The following PDE4D variants were observed in gnomAD, a reference collection of about 807,000 sequenced individuals.
The protein encoded by PDE4D is phosphodiesterase 4D, also known as 3',5'-cyclic-AMP phosphodiesterase 4D.
Under a neutral mutation model 87.4 loss-of-function variants are expected in PDE4D, and 24 were observed. The observed-to-expected ratio is 0.27, with a 90% confidence interval of 0.20 to 0.39. The LOEUF (loss-of-function observed/expected upper bound fraction) is 0.39. Among genes scored for constraint, PDE4D ranks in the 10% least tolerant of loss-of-function variants. PDE4D has a pLI of 1.00. For missense variants in PDE4D, 714 were observed against 1,041.0 expected (o/e 0.69, Z 4.32); for synonymous variants, 384 against 383.2 (o/e 1.00, Z -0.02).
intron 1 of PDE4D, among the ~76,000 whole-genome samples, chr5:59,614,780 T>A (rs1829452860): frequency 6.6e-6 from 1 of 152,146 alleles, no homozygotes; most frequent in Admixed American, 6.6e-5. Context: ...AATTGATACA[T>A]CCTCAGGCAA....
At chr5:59,275,809 G>C (rs945540840) in intron 1 of PDE4D, 243 of 984,484 alleles carry the variant, frequency 2.5e-4, no homozygotes, top group Non-Finnish European at 2.6e-4. Flanking sequence ...AGCGCAGGTA[G>C]AGAGAGAGAA....
intron 2 of PDE4D, among the ~76,000 whole-genome samples, chr5:60,181,639 T>G (rs1784383361): frequency 6.6e-6 from 1 of 152,148 alleles, no homozygotes; most frequent in Non-Finnish European, 1.5e-5. Context: ...ACAAATCCAA[T>G]TAAGTAGATG....
At chr5:60,182,589 G>C (rs1220689102) in intron 2 of PDE4D, among the ~76,000 whole-genome samples, 1 of 152,070 alleles carries the variant, frequency 6.6e-6, no homozygotes, top group African/African-American at 2.4e-5. Flanking sequence ...CTGAGATCCC[G>C]GCATTGCACT....
intron 2 of PDE4D, among the ~76,000 whole-genome samples, chr5:60,019,096 C>A (rs1318042494): frequency 1.3e-5 from 2 of 152,170 alleles, no homozygotes; most frequent in Non-Finnish European, 2.9e-5. Flanking sequence ...TAAAACACTC[C>A]TCAGCAAATG....
intron 1 of PDE4D, among the ~76,000 whole-genome samples, chr5:59,637,827 T>C (rs1420483937): frequency 6.6e-6 from 1 of 151,982 alleles, no homozygotes. Context: ...GTGCAGCAAC[T>C]GAATCTGGTT....
chr5:60,229,424 A>C (rs1745544621), intron 1 of PDE4D, among the ~76,000 whole-genome samples: 1 of 152,186 alleles, frequency 6.6e-6, no homozygotes, highest in Non-Finnish European at 1.5e-5. Flanking sequence ...TCCTGAGATT[A>C]GCCTAAGATG....
intron 5 of PDE4D, among the ~76,000 whole-genome samples, chr5:59,047,919 G>T (rs1236393339): frequency 6.6e-6 from 1 of 152,166 alleles, no homozygotes; most frequent in Non-Finnish European, 1.5e-5. Context: ...GCCCTCACCA[G>T]AACCTGACTA....
intron 1 of PDE4D, among the ~76,000 whole-genome samples, chr5:60,274,728 A>C (rs1414377058): frequency 6.6e-6 from 1 of 152,212 alleles, no homozygotes; most frequent in Non-Finnish European, 1.5e-5. Context: ...AGGTACAGAA[A>C]ACCAAGCAGA....
At chr5:59,257,302 C>T (rs1405592875) in intron 1 of PDE4D, among the ~76,000 whole-genome samples, 1 of 151,970 alleles carries the variant, frequency 6.6e-6, no homozygotes, top group African/African-American at 2.4e-5. Flanking sequence ...TTCATAAACT[C>T]CTTAAGGGTG....
At chr5:59,755,461 T>A (rs955848998) in intron 1 of PDE4D, among the ~76,000 whole-genome samples, 1 of 152,152 alleles carries the variant, frequency 6.6e-6, no homozygotes, top group Admixed American at 6.5e-5. Context: ...GGCCCACAGT[T>A]GCACCTAAAA....
chr5:59,738,947 A>G (rs1580787780), intron 1 of PDE4D, among the ~76,000 whole-genome samples: 2 of 152,210 alleles, frequency 1.3e-5, no homozygotes, highest in East Asian at 3.9e-4. Flanking sequence ...AAAAAAAACT[A>G]GAAAAAAATA....
intron 5 of PDE4D, among the ~76,000 whole-genome samples, chr5:59,162,572 C>T (rs1781260862): frequency 1.3e-5 from 2 of 151,712 alleles, no homozygotes; most frequent in South Asian, 4.2e-4. Flanking sequence ...GGTGTGATGG[C>T]CCACACCTGT....
chr5:60,101,527 T>C (rs1283109458), intron 2 of PDE4D, among the ~76,000 whole-genome samples: 1 of 152,140 alleles, frequency 6.6e-6, no homozygotes, highest in Non-Finnish European at 1.5e-5. Context: ...CCTCCACCAG[T>C]AGATATAAGA....
chr5:60,140,389 T>C lies in PDE4D; in HGVS notation c.42+45168A>G, dbSNP rs137956825. ...CAAGCTAGGTGGAACTCGGGTATAG[T>C]CTCCTCACTTAAGGGTAAAAGTGAA... On this transcript the variant is annotated intron_variant, in intron 2 of 16. Transcript: ENST00000502484. Among the ~76,000 whole-genome samples the C allele has an allele frequency of 6.6e-3, 1,003 of 152,034 alleles. 7 individuals are homozygous for C. Among genetic ancestry groups the C allele is most frequent in the Non-Finnish European group, 9.6e-3 (651 of 67,948 alleles).
At chr5:59,552,965 A>G (rs1004033475) in intron 1 of PDE4D, among the ~76,000 whole-genome samples, 9 of 152,230 alleles carry the variant, frequency 5.9e-5, no homozygotes, top group Non-Finnish European at 1.3e-4. Flanking sequence ...GAAAATTTAT[A>G]TAACATACTA....
At chr5:59,916,219 T>C (rs966038881) in intron 3 of PDE4D, among the ~76,000 whole-genome samples, 3 of 152,158 alleles carry the variant, frequency 2.0e-5, no homozygotes, top group Admixed American at 6.5e-5. Flanking sequence ...CACCAAGACC[T>C]AAGGTAAGTG....
intron 1 of PDE4D, among the ~76,000 whole-genome samples, chr5:59,268,863 G>C (rs1013517190): frequency 6.6e-6 from 1 of 151,914 alleles, no homozygotes; most frequent in East Asian, 1.9e-4. Flanking sequence ...TTCCCCTTCA[G>C]TTTCATCTTA....
At chr5:59,264,903 T>C (rs952124931) in intron 1 of PDE4D, among the ~76,000 whole-genome samples, 7 of 152,024 alleles carry the variant, frequency 4.6e-5, no homozygotes, top group Non-Finnish European at 1.0e-4. Flanking sequence ...TGTTGTTCTT[T>C]AGAAATGATG....
chr5:60,021,887 T>A (rs914281764), intron 2 of PDE4D: 1 of 152,198 alleles, frequency 6.6e-6, no homozygotes, highest in Non-Finnish European at 1.5e-5. Flanking sequence ...CTTAATTTTA[T>A]TTTTTAAAAG....
Sources: allele counts gnomAD v4.1 joint callset (sites outside exome capture counted in the v4.1 genomes callset), GRCh38; gene constraint gnomAD v4.1.1; transcripts MANE v1.5; gene names NCBI Gene and HGNC (gene_info 2026-07-23, HGNC 2026-07-21).